Variants in HUWE1 observed in about 807,000 individuals in gnomAD.
HUWE1 encodes the protein E3 ubiquitin-protein ligase HUWE1.
A neutral mutation model predicts 299.4 loss-of-function variants in HUWE1; 18 were observed. That is an observed-to-expected ratio of 0.06 (90% confidence interval 0.04 to 0.09). The LOEUF (loss-of-function observed/expected upper bound fraction) is 0.09. Among genes scored for constraint, HUWE1 ranks in the 10% least tolerant of loss-of-function variants. The pLI is 1.00. For missense variants in HUWE1, 1,832 were observed against 3,462.3 expected (o/e 0.53, Z 11.82); for synonymous variants, 1,317 against 1,286.1 (o/e 1.02, Z -0.51).
intron 2 of HUWE1, among the ~76,000 whole-genome samples, chrX:53,683,286 G>A (rs989102318): frequency 7.2e-5 from 8 of 111,090 alleles, no homozygotes; most frequent in Non-Finnish European, 1.3e-4. Flanking sequence ...TGTGGGGAGA[G>A]GAGGAGGAGT....
At chrX:53,591,388 A>G (rs1248446920) in intron 33 of HUWE1, among the ~76,000 whole-genome samples, 1 of 111,329 alleles carries the variant, frequency 9.0e-6, no homozygotes, top group Non-Finnish European at 1.9e-5. Flanking sequence ...GGTTATTATG[A>G]TTAACAGGGT....
At chrX:53,617,929 T>A (rs1308967088) in intron 19 of HUWE1, among the ~76,000 whole-genome samples, 10 of 112,264 alleles carry the variant, frequency 8.9e-5, no homozygotes, top group Admixed American at 4.7e-4. Flanking sequence ...GCTTTACTGA[T>A]GAAAATAGAT....
chrX:53,607,413 TATTC>T (rs782790029), intron 25 of HUWE1, 106 bp downstream of exon 25: 1 of 635,455 alleles, frequency 1.6e-6, no homozygotes, highest in East Asian at 3.5e-5. Flanking sequence ...AACACAAATT[TATTC>T]ATTATTTTTT....
intron 3 of HUWE1, among the ~76,000 whole-genome samples, chrX:53,665,131 T>C (rs1183706258): frequency 9.0e-6 from 1 of 111,501 alleles, no homozygotes; most frequent in African/African-American, 3.3e-5. Context: ...AATGTCTATA[T>C]GCACAGCCCA....
At chrX:53,668,521 T>G (rs782526743) in intron 3 of HUWE1, among the ~76,000 whole-genome samples, 1 of 108,279 alleles carries the variant, frequency 9.2e-6, no homozygotes, top group African/African-American at 3.4e-5. Flanking sequence ...AACAGCATAA[T>G]GGAAAAGCCT....
chrX:53,586,704 G>T, intron 38 of HUWE1, 78 bp downstream of exon 38: 1 of 1,160,921 alleles, frequency 8.6e-7, no homozygotes, highest in South Asian at 1.8e-5. Flanking sequence ...CCCCATACAT[G>T]CCCCAGAAGA....
intron 4 of HUWE1, among the ~76,000 whole-genome samples, chrX:53,650,397 A>G (rs2068377911): frequency 8.9e-6 from 1 of 111,744 alleles, no homozygotes; most frequent in African/African-American, 3.3e-5. Flanking sequence ...AGCTTCCACA[A>G]GGTTTGTTTC....
chrX:53,629,439 C>T, intron 13 of HUWE1, 77 bp downstream of exon 13: 1 of 684,411 alleles, frequency 1.5e-6, no homozygotes, highest in South Asian at 2.2e-5. Context: ...CCTCCCCCCC[C>T]AAAAAAGTCT....
chrX:53,654,348 C>A (rs2068646455), intron 3 of HUWE1, among the ~76,000 whole-genome samples: 1 of 111,979 alleles, frequency 8.9e-6, no homozygotes, highest in African/African-American at 3.2e-5. Context: ...CTATGTTGCA[C>A]AAGACTGAAA....
At chrX:53,572,746 G>A (rs894713714) in intron 47 of HUWE1, among the ~76,000 whole-genome samples, 13 of 111,263 alleles carry the variant, frequency 1.2e-4, no homozygotes, top group African/African-American at 3.9e-4. Context: ...TACCAATACT[G>A]CTACCACATC....
intron 3 of HUWE1, among the ~76,000 whole-genome samples, chrX:53,679,435 A>G (rs1345453715): frequency 8.9e-6 from 1 of 112,333 alleles, no homozygotes; most frequent in Non-Finnish European, 1.9e-5. Flanking sequence ...AGTATTTTAC[A>G]AATAAATATG....
rs377596374 is a variant in HUWE1, at chrX:53,617,346, G to T, written c.1773C>A (p.Ile591=). ...LTDVMLHALL[I]KDVPATREVL... ...AGTAGCAGAAAAGACTTACATCTTTGATAAGCAGTGCATGCAGCATGACAT... is the reference window on the plus strand; with the variant it reads ...AGTAGCAGAAAAGACTTACATCTTTTATAAGCAGTGCATGCAGCATGACAT... The change falls in exon 20 of 84, where the codon ATC becomes ATA. Residue 591 remains isoleucine (I), a synonymous_variant. Transcript: ENST00000262854. 4 of 1,167,324 alleles carry T rather than the reference G, an allele frequency of 3.4e-6. No individual in the cohort carries two copies. In the African/African-American group the frequency reaches 7.1e-5, roughly 21 times the overall value.
chrX:53,627,564 T>TC, intron 16 of HUWE1, 49 bp from the exon 17 acceptor site: 3 of 239,608 alleles, frequency 1.3e-5, no homozygotes, highest in Non-Finnish European at 1.8e-5. Flanking sequence ...TATATATATA[T>TC]TTTTTTTTTC....
chrX:53,615,890 G>A (rs1557007009), intron 21 of HUWE1, 55 bp from the exon 22 acceptor site: 2 of 896,002 alleles, frequency 2.2e-6, no homozygotes, highest in Non-Finnish European at 3.3e-6. Flanking sequence ...AATAGAGCTT[G>A]GGCTCTTTTC....
rs139428178 is a variant in HUWE1, at chrX:53,663,077, A to G, written c.-24-8946T>C. ...GTGATCAACTGCATCAAATGTCAAA[A>G]TGAGGTATGTCCACTGAAATTGGTA... On this transcript the variant is annotated intron_variant, in intron 3 of 83. Transcript: ENST00000262854. 8.4e-3 allele frequency among the ~76,000 whole-genome samples: 942 copies of G among 112,795 alleles called. 6 individuals are homozygous for G. The highest frequency in any genetic ancestry group is 0.013 in the Non-Finnish European group (718 of 53,330).
At chrX:53,564,846 G>T in intron 50 of HUWE1, 124 bp from the exon 51 acceptor site, 2 of 938,337 alleles carry the variant, frequency 2.1e-6, no homozygotes, top group East Asian at 3.1e-5. Flanking sequence ...GAGAATAAAC[G>T]AATGGGTGAC....
intron 67 of HUWE1, 137 bp from the exon 68 acceptor site, chrX:53,548,410 G>C (rs1359157282): frequency 1.4e-6 from 1 of 739,871 alleles, no homozygotes; most frequent in African/African-American, 2.1e-5. Context: ...TCATATAAGA[G>C]TTTTATCCAA....
intron 19 of HUWE1, among the ~76,000 whole-genome samples, chrX:53,623,558 T>C (rs923035882): frequency 5.4e-5 from 6 of 111,583 alleles, no homozygotes; most frequent in Non-Finnish European, 1.1e-4. Context: ...ATTAAATGCT[T>C]TTCCCTCTAA....
rs781788057 is a variant in HUWE1 at position 53,577,074 on chromosome X, CA to C, written c.5717-8del. The C allele has an allele frequency of 6.7e-6, 8 of 1,189,170 alleles. No individual in the cohort carries two copies. In the East Asian group the frequency reaches 2.4e-4, roughly 35 times the overall value. On this transcript the variant is annotated splice_polypyrimidine_tract_variant and splice_region_variant and intron_variant, in intron 43 of 83. Coordinates refer to ENST00000262854, the MANE Select transcript of HUWE1 (RefSeq NM_031407.7). ...TCAAATTCATCATCTGAAGCTAAGC[CA>C]AAATGAGAGAGAAAAACCAGTCAAT...
Sources: gnomAD v4.1 joint callset for allele counts (sites outside exome capture counted in the v4.1 genomes callset) on GRCh38, gnomAD v4.1.1 for gene constraint, MANE v1.5 for transcripts, NCBI Gene and HGNC (gene_info 2026-07-23, HGNC 2026-07-21) for gene names.